PIEZO2: variants seen among roughly 807,000 people sequenced by gnomAD.
PIEZO2 encodes piezo-type mechanosensitive ion channel component 2.
Under a neutral mutation model 337.3 loss-of-function variants are expected in PIEZO2, and 172 were observed. The ratio of observed to expected loss-of-function variants is 0.51; its 90% CI spans 0.45 to 0.58. PIEZO2 has a LOEUF of 0.58. PIEZO2 is among the 20% of genes least tolerant of loss of function. The pLI is 0.00. For synonymous variants in PIEZO2, 1,251 were observed against 1,228.5 expected, an observed-to-expected ratio of 1.02 and a Z score of -0.38; for missense variants, 3,028 against 3,391.3, an observed-to-expected ratio of 0.89 and a Z score of 2.66.
Position 10,984,914 on chromosome 18 carries a change from C to A in PIEZO2, c.161-5254G>T, listed in dbSNP as rs1266983675. ...GATTTCTCATCAGAACTCTTACAGA[C>A]CAGGAGAGAGTGGGATAATATATTC... On this transcript the variant is annotated intron_variant, in intron 2 of 55. Coordinates refer to ENST00000674853, the MANE Select transcript of PIEZO2 (RefSeq NM_001378183.1). 2.6e-5 allele frequency among the ~76,000 whole-genome samples: 4 copies of A among 151,998 alleles called. No homozygotes were observed. The East Asian group carries it at 7.7e-4, about 29-fold the overall frequency.
chr18:10,725,066 G>A (rs1331851597), intron 36 of PIEZO2: 6 of 1,539,500 alleles, frequency 3.9e-6, no homozygotes, highest in East Asian at 2.2e-5. Context: ...AACGTGGACC[G>A]TGAGGGAGAC....
chr18:10,985,333 T>C (rs1340603834), intron 2 of PIEZO2, among the ~76,000 whole-genome samples: 4 of 152,036 alleles, frequency 2.6e-5, no homozygotes, highest in African/African-American at 9.7e-5. Flanking sequence ...AAAAAGCACA[T>C]GGGAGTGAAC....
chr18:11,066,034 TCTCTGCCATTAGATAAA>T, intron 2 of PIEZO2, 76 bp downstream of exon 2: 1 of 982,122 alleles, frequency 1.0e-6, no homozygotes. Context: ...ATAGATAACA[TCTCTGCCATTAGATAAA>T]GGCCATCCCA....
Position 10,861,616 on chromosome 18 carries a change from C to T in PIEZO2, c.493-4405G>A, listed in dbSNP as rs1206857314. ...GAGGCTGGGGAAGGAGGCCAGGGAC[C>T]TGGAAAGGGCAGATGCTGATCAAGG... On this transcript the variant is annotated intron_variant, in intron 5 of 55. Coordinates refer to ENST00000674853, the MANE Select transcript of PIEZO2 (RefSeq NM_001378183.1). This position sits in a 1 kb window ranked among gnomAD's most constrained non-coding sequence, Gnocchi z 4.3. 6.6e-6 allele frequency among the ~76,000 whole-genome samples: 1 copy of T among 152,198 alleles called. No individual in the cohort carries two copies. Among genetic ancestry groups the T allele is most frequent in the Non-Finnish European group, 1.5e-5 (1 of 68,042 alleles).
At chr18:11,100,682 G>A (rs1273825124) in intron 1 of PIEZO2, among the ~76,000 whole-genome samples, 6 of 151,988 alleles carry the variant, frequency 3.9e-5, no homozygotes, top group Non-Finnish European at 7.4e-5. Flanking sequence ...TGCAACCTCC[G>A]CCTCCCGGGT....
rs189251329 is a variant in PIEZO2, at chr18:11,086,251, T to G, written c.65-20029A>C. The stretch of plus-strand genomic sequence containing the variant: ...AATCTCAAAACAGGGCCGGGCGCAG[T>G]GGCTCATGCCTGTAATCCCAGCACT... On this transcript the variant is annotated intron_variant, in intron 1 of 55. Coordinates refer to ENST00000674853, the MANE Select transcript of PIEZO2 (RefSeq NM_001378183.1). Among the ~76,000 whole-genome samples the G allele has an allele frequency of 4.6e-4, 70 of 152,300 alleles. No individual in the cohort carries two copies. The East Asian group carries it at 0.013, about 28-fold the overall frequency.
At chr18:11,098,168 T>A (rs1388720856) in intron 1 of PIEZO2, among the ~76,000 whole-genome samples, 1 of 152,002 alleles carries the variant, frequency 6.6e-6, no homozygotes, top group Non-Finnish European at 1.5e-5. Flanking sequence ...CACTGTTCAG[T>A]AATGGAATAT....
intron 2 of PIEZO2, among the ~76,000 whole-genome samples, chr18:10,985,999 C>G (rs2034857187): frequency 6.6e-6 from 1 of 151,868 alleles, no homozygotes; most frequent in Non-Finnish European, 1.5e-5. Flanking sequence ...TTTATGGACA[C>G]ACATAGGCTG....
At position 10,847,311 on chromosome 18, in the gene PIEZO2, G is replaced by A. The variant is rs904309992; in HGVS notation, c.917+8042C>T. On this transcript the variant is annotated intron_variant, in intron 7 of 55. Transcript: ENST00000674853. The surrounding 1 kb of genome is among the most constrained non-coding windows in gnomAD (Gnocchi z 5.7). ...AGTCACTGAGTCTGGCTAACTGTGG[G>A]GAATTCTAGGTGCCCACAGAGGCAT... Among the ~76,000 whole-genome samples the A allele has an allele frequency of 3.3e-5, 5 of 152,206 alleles. No individual in the cohort carries two copies. The highest frequency in any genetic ancestry group is 1.2e-4 in the African/African-American group (5 of 41,454).
At chr18:11,046,303 C>A (rs1369133587) in intron 2 of PIEZO2, among the ~76,000 whole-genome samples, 2 of 152,238 alleles carry the variant, frequency 1.3e-5, no homozygotes, top group African/African-American at 4.8e-5. Context: ...CCAATCAGCA[C>A]CTTCTCACTG....
chr18:10,691,147 T>C lies in PIEZO2; in HGVS notation c.7349+78A>G. The C allele has an allele frequency of 4.0e-6, 6 of 1,483,978 alleles. No homozygotes were observed. In the South Asian group the frequency reaches 5.1e-5, roughly 13 times the overall value. 91.9% of individuals were successfully genotyped at this position (1,483,978 alleles called of 1,614,324 possible). Reference sequence around the variant, plus strand: ...GCTGAATTCATCCTCTCCCCCTTACTTCCCAGTTGGGAATCAAAATGCCTT... The same window carrying C: ...GCTGAATTCATCCTCTCCCCCTTACCTCCCAGTTGGGAATCAAAATGCCTT... On this transcript the variant is annotated intron_variant, in intron 48 of 55. Coordinates refer to ENST00000674853, the MANE Select transcript of PIEZO2 (RefSeq NM_001378183.1).
At chr18:10,874,609 T>C (rs2042223931) in intron 4 of PIEZO2, among the ~76,000 whole-genome samples, 1 of 152,100 alleles carries the variant, frequency 6.6e-6, no homozygotes, top group Admixed American at 6.6e-5. Flanking sequence ...AAATATGCTG[T>C]ATATACACAA....
chr18:10,807,582 CATCT>C (rs2040040980), intron 7 of PIEZO2, among the ~76,000 whole-genome samples: 1 of 152,194 alleles, frequency 6.6e-6, no homozygotes, highest in Non-Finnish European at 1.5e-5. Flanking sequence ...AATTCTTGCA[CATCT>C]ATTAGAAATG....
Position 11,050,897 on chromosome 18 carries a change from T to A in PIEZO2, c.160+15230A>T, listed in dbSNP as rs1187251767. On this transcript the variant is annotated intron_variant, in intron 2 of 55. Transcript: ENST00000674853. Reference sequence around the variant, plus strand: ...ATAACAAAGCAAAATTTACCAGGTTTAAAAAAAAAAAAACTCAAATGATAT... The same window carrying A: ...ATAACAAAGCAAAATTTACCAGGTTAAAAAAAAAAAAAACTCAAATGATAT... Among the ~76,000 whole-genome samples the A allele has an allele frequency of 2.6e-3, 368 of 140,554 alleles. 2 individuals carry two copies. The highest frequency in any genetic ancestry group is 9.5e-3 in the African/African-American group (359 of 37,716). 92.2% of individuals were successfully genotyped at this position (140,554 alleles called of 152,430 possible).
rs1298391351 is a variant in PIEZO2, at chr18:10,672,947, T to C, written c.8162-74A>G. The C allele has an allele frequency of 1.2e-5, 15 of 1,206,676 alleles. No individual in the cohort carries two copies. Among genetic ancestry groups the C allele is most frequent in the Non-Finnish European group, 1.8e-5 (15 of 846,144 alleles). The allele number at this position is 1,206,676 out of a possible 1,614,324, so 74.7% of individuals were successfully genotyped here. A position where few individuals can be genotyped will look rare whatever the true frequency, so the allele number is the denominator to read the frequency against. On this transcript the variant is annotated intron_variant, in intron 54 of 55. Coordinates refer to ENST00000674853, the MANE Select transcript of PIEZO2 (RefSeq NM_001378183.1). The surrounding 1 kb of genome is among the most constrained non-coding windows in gnomAD (Gnocchi z 4.7). ...TTCATGCACAGCAACAGTTTTCAGA[T>C]GGCAAAATCTGGTTACTAACTATAG...
At chr18:11,065,194 G>A (rs2038108583) in intron 2 of PIEZO2, among the ~76,000 whole-genome samples, 1 of 152,178 alleles carries the variant, frequency 6.6e-6, no homozygotes, top group Non-Finnish European at 1.5e-5. Context: ...ATTATTTGTT[G>A]TTCTGTGTAC....
At chr18:10,807,383 A>T (rs1225369172) in intron 7 of PIEZO2, 109 bp from the exon 8 acceptor site, 50 of 964,422 alleles carry the variant, frequency 5.2e-5, no homozygotes, top group Non-Finnish European at 7.1e-5. Context: ...TCCTAGGTTG[A>T]TCCGTTCTAT....
chr18:10,908,603 A>G (rs2030172895), intron 4 of PIEZO2: 1 of 152,232 alleles, frequency 6.6e-6, no homozygotes, highest in Non-Finnish European at 1.5e-5. Context: ...TCTGTCCTGT[A>G]TTTGAAGGCG....
chr18:10,755,814 G>A (rs2037814556), intron 27 of PIEZO2, among the ~76,000 whole-genome samples: 1 of 148,216 alleles, frequency 6.7e-6, no homozygotes, highest in African/African-American at 2.4e-5. Context: ...CAAGAAGTGA[G>A]GATGAGGACC....
Sources: gnomAD v4.1 joint callset for allele counts (sites outside exome capture counted in the v4.1 genomes callset) on GRCh38, gnomAD v4.1.1 for gene constraint, Gnocchi (gnomAD v3.1) non-coding constraint, MANE v1.5 for transcripts, NCBI Gene and HGNC (gene_info 2026-07-23, HGNC 2026-07-21) for gene names.